Variants in RFX3 observed in about 807,000 individuals in gnomAD.
RFX3 encodes the protein regulatory factor X3.
A neutral mutation model predicts 98.6 loss-of-function variants in RFX3; 14 were observed. The ratio of observed to expected loss-of-function variants is 0.14; its 90% confidence interval spans 0.09 to 0.22. RFX3 has a LOEUF of 0.22. RFX3 is among the 10% of genes least tolerant of loss of function. The pLI is 1.00. For missense variants in RFX3, 639 were observed against 926.9 expected, an observed-to-expected ratio of 0.69 and a Z score of 4.03; for synonymous variants, 383 against 328.4, an observed-to-expected ratio of 1.17 and a Z score of -1.80.
At chr9:3,432,697 T>C (rs1032670230) in intron 1 of RFX3, among the ~76,000 whole-genome samples, 18 of 152,126 alleles carry the variant, frequency 1.2e-4, no homozygotes, top group African/African-American at 3.9e-4. Flanking sequence ...CTTGAGTGCA[T>C]CCAAACCAAT....
chr9:3,229,090 C>T (rs572315980), intron 15 of RFX3, among the ~76,000 whole-genome samples: 9 of 152,174 alleles, frequency 5.9e-5, no homozygotes, highest in Non-Finnish European at 1.2e-4. Context: ...CACAATTTAG[C>T]TGTCTTAGCC....
chr9:3,390,328 T>C (rs80330739), intron 2 of RFX3, among the ~76,000 whole-genome samples: 1,594 of 152,192 alleles, frequency 0.01, 27 homozygotes, highest in African/African-American at 0.036. Flanking sequence ...AGAAGTGAAC[T>C]GGATAACAGG....
intron 1 of RFX3, among the ~76,000 whole-genome samples, chr9:3,479,063 C>T (rs1415905110): frequency 1.3e-5 from 2 of 152,170 alleles, no homozygotes; most frequent in Non-Finnish European, 2.9e-5. Context: ...TCAGCTCTCT[C>T]CATTGTCTGC....
intron 1 of RFX3, among the ~76,000 whole-genome samples, chr9:3,502,847 T>C (rs1054207926): frequency 2.0e-5 from 3 of 151,958 alleles, no homozygotes; most frequent in African/African-American, 7.3e-5. Flanking sequence ...ATAAGATAGG[T>C]GGGGAATAAA....
chr9:3,443,106 A>T (rs1845741980), intron 1 of RFX3, among the ~76,000 whole-genome samples: 1 of 152,238 alleles, frequency 6.6e-6, no homozygotes, highest in Non-Finnish European at 1.5e-5. Flanking sequence ...AGCACAAAAA[A>T]AGATACTCAA....
intron 2 of RFX3, among the ~76,000 whole-genome samples, chr9:3,352,570 A>G (rs1835272032): frequency 6.6e-6 from 1 of 152,114 alleles, no homozygotes; most frequent in South Asian, 2.1e-4. Flanking sequence ...TGCACCTTAC[A>G]CATCATATTA....
At chr9:3,394,761 G>C (rs1268523092) in intron 2 of RFX3, 4 of 862,808 alleles carry the variant, frequency 4.6e-6, no homozygotes, top group South Asian at 5.3e-5. Flanking sequence ...TATGACATAT[G>C]ATCTTTCTCA....
intron 2 of RFX3, among the ~76,000 whole-genome samples, chr9:3,369,877 T>G (rs1475735407): frequency 6.6e-6 from 1 of 152,088 alleles, no homozygotes; most frequent in Non-Finnish European, 1.5e-5. Flanking sequence ...TCGCCCAGGC[T>G]GGAGTGCGGT....
At chr9:3,465,952 T>G (rs1848173445) in intron 1 of RFX3, among the ~76,000 whole-genome samples, 2 of 152,102 alleles carry the variant, frequency 1.3e-5, no homozygotes. Flanking sequence ...TGTGACCATA[T>G]GAACAACATT....
At chr9:3,403,909 C>T (rs984382175) in intron 1 of RFX3, among the ~76,000 whole-genome samples, 2 of 152,076 alleles carry the variant, frequency 1.3e-5, no homozygotes, top group Non-Finnish European at 2.9e-5. Context: ...GAAAAGACTC[C>T]AATGACAGTG....
chr9:3,239,537 G>C (rs940225486), intron 15 of RFX3, among the ~76,000 whole-genome samples: 6 of 152,168 alleles, frequency 3.9e-5, no homozygotes, highest in South Asian at 4.1e-4. Flanking sequence ...GCCTGCCTTG[G>C]GGACATAGCA....
At chr9:3,317,018 C>A (rs1830694291) in intron 4 of RFX3, among the ~76,000 whole-genome samples, 1 of 152,158 alleles carries the variant, frequency 6.6e-6, no homozygotes, top group Admixed American at 6.5e-5. Flanking sequence ...GAAAAAACTA[C>A]TTTAAAGTTC....
intron 1 of RFX3, among the ~76,000 whole-genome samples, chr9:3,423,778 CATATATATATATATATATAT>C (rs61209874): frequency 1.5e-4 from 17 of 111,046 alleles, no homozygotes; most frequent in East Asian, 8.1e-4. Flanking sequence ...TATATATTTT[CATATATATATATATATATAT>C]ATATATATAT....
intron 1 of RFX3, among the ~76,000 whole-genome samples, chr9:3,525,280 T>A (rs1819150092): frequency 6.6e-6 from 1 of 152,180 alleles, no homozygotes; most frequent in Non-Finnish European, 1.5e-5. Context: ...CCTTGCACAC[T>A]GTTGTCTATT....
At chr9:3,252,953 C>T (rs958183019) in intron 14 of RFX3, among the ~76,000 whole-genome samples, 5 of 152,094 alleles carry the variant, frequency 3.3e-5, no homozygotes, top group Admixed American at 1.3e-4. Flanking sequence ...GTCAGGCCTC[C>T]GCTTTACATG....
intron 1 of RFX3, among the ~76,000 whole-genome samples, chr9:3,488,068 G>A (rs1184577232): frequency 6.6e-6 from 1 of 152,020 alleles, no homozygotes. Flanking sequence ...TAAAATAAAC[G>A]TGCTTCTTTT....
intron 3 of RFX3, among the ~76,000 whole-genome samples, chr9:3,345,892 A>G (rs914440161): frequency 3.3e-5 from 5 of 152,182 alleles, no homozygotes; most frequent in Admixed American, 1.3e-4. Flanking sequence ...AGTAAGAATA[A>G]AGACAGCAGA....
chr9:3,495,952 ATCAAT>A (rs1851079689), intron 1 of RFX3, among the ~76,000 whole-genome samples: 1 of 152,098 alleles, frequency 6.6e-6, no homozygotes, highest in Non-Finnish European at 1.5e-5. Flanking sequence ...TATTTTGTAA[ATCAAT>A]GATGAGCACA....
intron 1 of RFX3, among the ~76,000 whole-genome samples, chr9:3,411,290 A>T (rs1246241523): frequency 6.6e-6 from 1 of 152,088 alleles, no homozygotes; most frequent in African/African-American, 2.4e-5. Flanking sequence ...TAGGAGAGCA[A>T]CCCAGTCCAT....
Sources: gnomAD v4.1 joint callset for allele counts (sites outside exome capture counted in the v4.1 genomes callset) on GRCh38, gnomAD v4.1.1 for gene constraint, MANE v1.5 for transcripts, NCBI Gene and HGNC (gene_info 2026-07-23, HGNC 2026-07-21) for gene names.